TRAPPC9: variants seen among roughly 807,000 people sequenced by gnomAD.
TRAPPC9 encodes the protein trafficking protein particle complex subunit 9.
A neutral mutation model predicts 124.0 loss-of-function variants in TRAPPC9; 83 were observed. That is an observed-to-expected ratio of 0.67 (90% CI 0.56 to 0.80). The LOEUF (loss-of-function observed/expected upper bound fraction) is 0.80. Ranked by LOEUF, TRAPPC9 falls within the 30% of genes least tolerant of loss-of-function variation. TRAPPC9 has a pLI of 0.00. For synonymous variants in TRAPPC9, 638 were observed against 617.5 expected (o/e 1.03, Z -0.49); for missense variants, 1,302 against 1,508.3 (o/e 0.86, Z 2.27).
intron 9 of TRAPPC9, among the ~76,000 whole-genome samples, chr8:140,336,980 C>A (rs2067060309): frequency 6.6e-6 from 1 of 152,214 alleles, no homozygotes; most frequent in African/African-American, 2.4e-5. Context: ...ACACCCTTGA[C>A]TGGTGTCTGA....
At chr8:139,757,661 GAGTC>G (rs934091056) in intron 21 of TRAPPC9, among the ~76,000 whole-genome samples, 32 of 152,044 alleles carry the variant, frequency 2.1e-4, no homozygotes, top group African/African-American at 7.7e-4. Flanking sequence ...CATCTAGAGG[GAGTC>G]CCCCCAGCCC....
rs1294407175 is a variant in TRAPPC9 at position 139,917,075 on chromosome 8, T to TA, written c.2811-6776dup. On this transcript the variant is annotated intron_variant, in intron 19 of 22. Coordinates refer to ENST00000438773, the MANE Select transcript of TRAPPC9 (RefSeq NM_001160372.4). The stretch of plus-strand genomic sequence containing the variant: ...CAAGGAAACGGCGTGAACACGGACG[T>TA]ATGGATCACGCCCTGAGAGAGGATC... 2.6e-5 allele frequency among the ~76,000 whole-genome samples: 4 copies of TA among 151,872 alleles called. No homozygotes were observed. The East Asian group carries it at 7.7e-4, about 29-fold the overall frequency.
At chr8:140,360,585 A>G (rs2067920009) in intron 8 of TRAPPC9, among the ~76,000 whole-genome samples, 1 of 152,222 alleles carries the variant, frequency 6.6e-6, no homozygotes, top group African/African-American at 2.4e-5. Flanking sequence ...AATCAAAAAT[A>G]TAATATTTCT....
chr8:139,765,118 C>T (rs55998168), intron 21 of TRAPPC9, among the ~76,000 whole-genome samples: 12,704 of 152,218 alleles, frequency 0.083, 539 homozygotes, highest in Middle Eastern at 0.1. Flanking sequence ...CAGGCTGGAA[C>T]GAGCACCCAC....
At chr8:140,149,293 A>G (rs60269841) in intron 17 of TRAPPC9, among the ~76,000 whole-genome samples, 12,031 of 152,214 alleles carry the variant, frequency 0.079, 1,006 homozygotes, top group African/African-American at 0.21. Context: ...AAACAAATGC[A>G]GGATCCTTGA....
chr8:140,225,479 G>C (rs1471694954), intron 16 of TRAPPC9, among the ~76,000 whole-genome samples: 1 of 152,196 alleles, frequency 6.6e-6, no homozygotes, highest in East Asian at 1.9e-4. Flanking sequence ...TGTTAAGTTT[G>C]AATGAGTTTA....
chr8:139,811,301 G>T (rs1433721872), intron 21 of TRAPPC9, among the ~76,000 whole-genome samples: 1 of 152,122 alleles, frequency 6.6e-6, no homozygotes. Flanking sequence ...AAACAGCAAA[G>T]AAAAGAAAAT....
chr8:140,084,408 T>G (rs7015324), intron 17 of TRAPPC9, among the ~76,000 whole-genome samples: 4,542 of 152,256 alleles, frequency 0.03, 191 homozygotes, highest in African/African-American at 0.096. Flanking sequence ...CACATATAAT[T>G]GCCTCATCCA....
chr8:139,958,990 C>CA (rs1835192334), intron 19 of TRAPPC9, among the ~76,000 whole-genome samples: 1 of 143,874 alleles, frequency 7.0e-6, no homozygotes, highest in African/African-American at 2.7e-5. Context: ...CACGGGGGAG[C>CA]ACTGCATTCC....
Position 139,982,876 on chromosome 8 carries a change from C to T in TRAPPC9, c.2810+5850G>A, listed in dbSNP as rs145246171. ...CTATGAACACCTCTTTCACACTTAC[C>T]ACCCCACCACACTCCCCTCCACCAT... is the stretch of plus-strand genomic sequence containing the variant. On this transcript the variant is annotated intron_variant, in intron 19 of 22. Transcript: ENST00000438773. Among the ~76,000 whole-genome samples the T allele has an allele frequency of 3.5e-3, 539 of 152,258 alleles. 3 individuals are homozygous for T. The highest frequency in any genetic ancestry group is 0.01 in the South Asian group (50 of 4,822).
intron 18 of TRAPPC9, among the ~76,000 whole-genome samples, chr8:140,015,854 A>T (rs895142373): frequency 3.3e-5 from 5 of 152,064 alleles, no homozygotes; most frequent in Non-Finnish European, 5.9e-5. Context: ...CAAAAGAAAC[A>T]CCTGAATGAA....
At chr8:140,408,408 A>G (rs1197700345) in intron 5 of TRAPPC9, among the ~76,000 whole-genome samples, 1 of 152,212 alleles carries the variant, frequency 6.6e-6, no homozygotes. Flanking sequence ...TACAAGGCAC[A>G]AAACTGGAAA....
chr8:139,746,643 A>C (rs1288281339), intron 21 of TRAPPC9, among the ~76,000 whole-genome samples: 1 of 152,190 alleles, frequency 6.6e-6, no homozygotes. Context: ...TGCACCAAGA[A>C]CACCATGAGA....
chr8:140,424,700 G>C (rs2070362164), intron 5 of TRAPPC9, among the ~76,000 whole-genome samples: 1 of 151,172 alleles, frequency 6.6e-6, no homozygotes, highest in African/African-American at 2.4e-5. Flanking sequence ...AGAGTTTTAA[G>C]AATCATTCCA....
chr8:140,372,897 C>T (rs1318290735), intron 7 of TRAPPC9, among the ~76,000 whole-genome samples: 2 of 152,128 alleles, frequency 1.3e-5, no homozygotes, highest in Admixed American at 1.3e-4. Context: ...GCAGCCTCAC[C>T]GGACTAAGAC....
At chr8:140,337,061 G>C (rs1405345382) in intron 9 of TRAPPC9, among the ~76,000 whole-genome samples, 1 of 152,158 alleles carries the variant, frequency 6.6e-6, no homozygotes, top group Non-Finnish European at 1.5e-5. Flanking sequence ...AACAACCACT[G>C]AGTAAGTGTC....
In TRAPPC9 at chr8:140,199,426, A is replaced by G. The variant is rs895105371; in HGVS notation, c.2556+22033T>C. ...TTAACCAACGTCACTGGAGGAAATA[A>G]TTATGCAGACAAGTTAAGTAACCTG... On this transcript the variant is annotated intron_variant, in intron 17 of 22. Coordinates refer to ENST00000438773, the MANE Select transcript of TRAPPC9 (RefSeq NM_001160372.4). 1.1e-4 allele frequency among the ~76,000 whole-genome samples: 16 copies of G among 151,442 alleles called. 1 individual carries two copies. The highest frequency in any genetic ancestry group is 9.8e-4 in the Admixed American group (15 of 15,270).
chr8:140,181,963 A>G (rs1189030480), intron 17 of TRAPPC9, among the ~76,000 whole-genome samples: 1 of 152,098 alleles, frequency 6.6e-6, no homozygotes, highest in Non-Finnish European at 1.5e-5. Flanking sequence ...GTGCTAGGCC[A>G]TGGCATGCTT....
chr8:139,935,065 A>C (rs1833423627), intron 19 of TRAPPC9, among the ~76,000 whole-genome samples: 1 of 152,192 alleles, frequency 6.6e-6, no homozygotes, highest in African/African-American at 2.4e-5. Context: ...TTCACTGCTC[A>C]GGATTTCAGC....
Sources: gnomAD v4.1 joint callset for allele counts (sites outside exome capture counted in the v4.1 genomes callset) on GRCh38, gnomAD v4.1.1 for gene constraint, MANE v1.5 for transcripts, NCBI Gene and HGNC (gene_info 2026-07-23, HGNC 2026-07-21) for gene names.